Variants in DNAH8 observed in about 807,000 individuals in gnomAD.
The protein encoded by DNAH8 is axonemal beta dynein heavy chain 8.
In DNAH8, 382 loss-of-function variants were observed where a neutral mutation model predicts 562.1. That is an observed-to-expected ratio of 0.68 (90% CI 0.63 to 0.74). The LOEUF (loss-of-function observed/expected upper bound fraction) is 0.74, where lower values mean the gene tolerates loss of function less well. Ranked by LOEUF, DNAH8 falls within the 30% of genes least tolerant of loss-of-function variation. DNAH8 has a pLI of 0.00. For synonymous variants in DNAH8, 1,881 were observed against 1,919.4 expected (o/e 0.98, Z 0.52); for missense variants, 5,203 against 5,620.4 (o/e 0.93, Z 2.37).
intron 81 of DNAH8, 108 bp from the exon 82 acceptor site, chr6:38,951,210 A>T: frequency 1.1e-6 from 1 of 912,890 alleles, no homozygotes; most frequent in Non-Finnish European, 1.7e-6. Context: ...GAAAAGTAGG[A>T]ATTAACTTGT....
At chr6:38,743,153 G>A (rs1562618219) in intron 8 of DNAH8, among the ~76,000 whole-genome samples, 1 of 151,566 alleles carries the variant, frequency 6.6e-6, no homozygotes, top group Non-Finnish European at 1.5e-5. Flanking sequence ...GAGTAGCTGG[G>A]ACTACTGTCA....
At chr6:38,921,543 C>T (rs1184568250) in intron 71 of DNAH8, 37 bp downstream of exon 71, 2 of 1,595,094 alleles carry the variant, frequency 1.3e-6, no homozygotes, top group Non-Finnish European at 1.7e-6. Flanking sequence ...AAATGGTGTA[C>T]TGAAACTTTA....
chr6:38,992,974 C>T (rs1412268), intron 88 of DNAH8, among the ~76,000 whole-genome samples: 61,740 of 151,778 alleles, frequency 0.41, 12,918 homozygotes, highest in East Asian at 0.59. Context: ...TCTCTGTATG[C>T]TTATGTATCT....
chr6:39,009,576 T>C (rs1295643234), intron 89 of DNAH8, among the ~76,000 whole-genome samples: 1 of 152,196 alleles, frequency 6.6e-6, no homozygotes, highest in Non-Finnish European at 1.5e-5. Flanking sequence ...GCTGTGTTTT[T>C]GAGCACTCAT....
At chr6:38,719,629 T>G (rs908403837) in intron 1 of DNAH8, among the ~76,000 whole-genome samples, 1 of 152,216 alleles carries the variant, frequency 6.6e-6, no homozygotes, top group African/African-American at 2.4e-5. Flanking sequence ...TGAAGTTGTA[T>G]TCTTAAGACA....
chr6:38,773,326 A>G (rs1767757269), intron 12 of DNAH8, among the ~76,000 whole-genome samples: 1 of 152,116 alleles, frequency 6.6e-6, no homozygotes. Flanking sequence ...TTGTAGTTTC[A>G]GGACTAAACC....
Position 38,779,976 on chromosome 6 carries a change from C to G in DNAH8, c.2050C>G (p.Leu684Val), listed in dbSNP as rs1335649066. Residue 684 changes from leucine (L) to valine (V), a missense_variant, in exon 15 of 93, where the codon CTG (leucine) becomes GTG (valine). Around this residue, in one of 6 missense-constraint regions of DNAH8, gnomAD observed 2,176 missense variants for 2,365.1 expected, o/e 0.92. Coordinates refer to ENST00000327475, the MANE Select transcript of DNAH8 (RefSeq NM_001206927.2). ...ALQLLQRFQK[L>V]NIPCLGLEIN... ...TTTGATTACTTTTAGGTTTCAGAAG[C>G]TGAACATTCCCTGTCTGGGATTAGA... The G allele has an allele frequency of 6.2e-7, 1 of 1,613,792 alleles. No homozygotes were observed. Among genetic ancestry groups the G allele is most frequent in the Admixed American group, 1.7e-5 (1 of 59,982 alleles).
intron 80 of DNAH8, among the ~76,000 whole-genome samples, chr6:38,946,281 G>A (rs1306372531): frequency 6.6e-6 from 1 of 152,162 alleles, no homozygotes; most frequent in African/African-American, 2.4e-5. Context: ...GTAGACTGCA[G>A]GTTGTCAGAG....
At chr6:38,854,013 T>C (rs1208723521) in intron 41 of DNAH8, among the ~76,000 whole-genome samples, 2 of 151,672 alleles carry the variant, frequency 1.3e-5, no homozygotes, top group African/African-American at 2.4e-5. Flanking sequence ...GGACCATCTG[T>C]GTGTAAGTGC....
intron 91 of DNAH8, among the ~76,000 whole-genome samples, chr6:39,016,538 G>A (rs1460203705): frequency 2.8e-5 from 4 of 144,340 alleles, no homozygotes; most frequent in African/African-American, 1.0e-4. Context: ...GCAACAGAGC[G>A]AGACTCTGTC....
chr6:38,854,532 A>G (rs1185289748), intron 41 of DNAH8, among the ~76,000 whole-genome samples: 2 of 152,162 alleles, frequency 1.3e-5, no homozygotes, highest in African/African-American at 4.8e-5. Context: ...AGAGAATAAT[A>G]TTGTGATTTT....
chr6:38,909,767 C>A (rs748661295), intron 65 of DNAH8, 23 bp downstream of exon 65: 1 of 1,576,910 alleles, frequency 6.3e-7, no homozygotes, highest in East Asian at 2.2e-5. Flanking sequence ...ACATAAGCAC[C>A]ATCGCTATGG....
intron 11 of DNAH8, 88 bp downstream of exon 11, chr6:38,761,891 GA>G (rs1248471442): frequency 4.4e-6 from 3 of 677,040 alleles, no homozygotes; most frequent in Admixed American, 3.2e-5. Flanking sequence ...TATGTTAACT[GA>G]AAAAACTTCC....
At position 38,862,355 on chromosome 6, in the gene DNAH8, A is replaced by G; in HGVS notation, c.6207A>G (p.Lys2069=). ...CCGCAGGACCTGCTGGCACTGGCAA[A>G]ACAGAAACCACAAAAGACATGGGAA... ...GAPAGPAGTG[K]TETTKDMGRC... Residue 2069 remains lysine (K), a synonymous_variant, in exon 44 of 93, where the codon AAA becomes AAG. Coordinates refer to ENST00000327475, the MANE Select transcript of DNAH8 (RefSeq NM_001206927.2). The G allele has an allele frequency of 1.2e-6, 2 of 1,614,148 alleles. No individual in the cohort carries two copies. The highest frequency in any genetic ancestry group is 1.7e-6 in the Non-Finnish European group (2 of 1,180,002).
At chr6:38,896,310 G>A in intron 60 of DNAH8, 85 bp downstream of exon 60, 1 of 1,144,288 alleles carries the variant, frequency 8.7e-7, no homozygotes, top group South Asian at 1.5e-5. Flanking sequence ...CTACCATGGA[G>A]TTGCTATAAT....
intron 76 of DNAH8, 152 bp downstream of exon 76, chr6:38,932,145 T>G (rs1165744094): frequency 2.2e-5 from 11 of 492,280 alleles, no homozygotes; most frequent in Non-Finnish European, 3.4e-6. Flanking sequence ...TTAATTCCTG[T>G]CAAGAAATCA....
chr6:38,907,836 T>A, intron 63 of DNAH8, 120 bp from the exon 64 acceptor site: 1 of 855,182 alleles, frequency 1.2e-6, no homozygotes. Context: ...ACTGTGGAGA[T>A]GCTGAAAGAA....
Position 38,938,179 on chromosome 6 carries a change from G to C in DNAH8, c.11769G>C (p.Gln3923His). 6.2e-7 allele frequency: 1 copy of C among 1,613,946 alleles called. No homozygotes were observed. The highest frequency in any genetic ancestry group is 8.5e-7 in the Non-Finnish European group (1 of 1,179,994). The change falls in exon 78 of 93, where the codon CAG becomes CAC. Residue 3923 changes from glutamine (Q) to histidine (H), a missense_variant. Physicochemically the swap from Gln to His is conservative, Grantham distance 24. Coordinates refer to ENST00000327475, the MANE Select transcript of DNAH8 (RefSeq NM_001206927.2). ...TEMSMVNIMY[Q>H]TSLAQFLKLF... is the part of the protein sequence containing the mutation. ...TGAGCATGGTCAACATCATGTATCA[G>C]ACGTCATTGGCCCAGTTCTTGAAGT...
rs1775230982 is a variant in DNAH8 at position 38,845,603 on chromosome 6, G to A, written c.4875G>A (p.Lys1625=). 2.5e-6 allele frequency: 4 copies of A among 1,613,750 alleles called. No individual in the cohort carries two copies. The highest frequency in any genetic ancestry group is 2.5e-6 in the Non-Finnish European group (3 of 1,179,834). The change falls in exon 36 of 93, where the codon AAG becomes AAA. Residue 1625 remains lysine, a synonymous_variant. Coordinates refer to ENST00000327475, the MANE Select transcript of DNAH8 (RefSeq NM_001206927.2). ...TTTGCATATCTGCCATTAAGGAGAAGGATATCGAAGCCAAGCTGACTCAGG... is the reference window on the plus strand; with the variant it reads ...TTTGCATATCTGCCATTAAGGAGAAAGATATCGAAGCCAAGCTGACTCAGG... The part of the protein sequence containing the change: ...EDICISAIKE[K]DIEAKLTQVI...
Sources: allele counts gnomAD v4.1 joint callset (sites outside exome capture counted in the v4.1 genomes callset), GRCh38; gene constraint gnomAD v4.1.1; regional missense constraint gnomAD v4.1.1; transcripts MANE v1.5; gene names NCBI Gene and HGNC (gene_info 2026-07-23, HGNC 2026-07-21).